Variants in ARFGEF1 observed in about 807,000 individuals in gnomAD.
ARFGEF1 encodes brefeldin A-inhibited guanine nucleotide-exchange protein 1.
ARFGEF1 carries 42 observed loss-of-function variants against 231.0 expected under a neutral mutation model. The ratio of observed to expected loss-of-function variants is 0.18; its 90% CI spans 0.14 to 0.24. ARFGEF1 has a LOEUF of 0.24. Among genes scored for constraint, ARFGEF1 ranks in the 10% least tolerant of loss-of-function variants. The pLI is 1.00. For synonymous variants in ARFGEF1, 710 were observed against 732.3 expected (o/e 0.97, Z 0.49); for missense variants, 1,345 against 2,192.0 (o/e 0.61, Z 7.72).
intron 22 of ARFGEF1, among the ~76,000 whole-genome samples, chr8:67,235,100 GTATA>G (rs144584152): frequency 0.081 from 11,896 of 146,894 alleles, 922 homozygotes; most frequent in African/African-American, 0.21. Context: ...GTGTGTGTGT[GTATA>G]TATATACACA....
chr8:67,275,421 C>A (rs1471555660), intron 9 of ARFGEF1, among the ~76,000 whole-genome samples: 1 of 152,036 alleles, frequency 6.6e-6, no homozygotes, highest in Middle Eastern at 3.2e-3. Context: ...CAAAGTTCTT[C>A]CTGATCCCAA....
chr8:67,190,783 C>T, intron 5 of ARFGEF1: 1 of 1,512,856 alleles, frequency 6.6e-7, no homozygotes, highest in Non-Finnish European at 9.2e-7. Flanking sequence ...TTTTCTCCCC[C>T]TTTTCAACTT....
chr8:67,258,712 T>C (rs1840544090), intron 15 of ARFGEF1, among the ~76,000 whole-genome samples: 1 of 152,152 alleles, frequency 6.6e-6, no homozygotes, highest in South Asian at 2.1e-4. Flanking sequence ...CTTTTGATTA[T>C]AGAGTTAACA....
intron 14 of ARFGEF1, among the ~76,000 whole-genome samples, chr8:67,263,603 C>T (rs1226972651): frequency 6.6e-6 from 1 of 152,176 alleles, no homozygotes; most frequent in East Asian, 1.9e-4. Context: ...TCCTCTGCTG[C>T]TGCACATGCC....
Position 67,302,037 on chromosome 8 carries a change from T to A in ARFGEF1, c.155+399A>T, listed in dbSNP as rs934260457. On this transcript the variant is annotated intron_variant, in intron 2 of 38. Coordinates refer to ENST00000262215, the MANE Select transcript of ARFGEF1 (RefSeq NM_006421.5). ...GCCTGGGAAATATGGCAGAATCCCA[T>A]CTCTACAAAAAATTAGACAGGCATG... 7.2e-5 allele frequency among the ~76,000 whole-genome samples: 11 copies of A among 151,868 alleles called. No homozygotes were observed. In the South Asian group the frequency reaches 2.3e-3, roughly 32 times the overall value.
At chr8:67,276,235 C>T in intron 8 of ARFGEF1, 126 bp from the exon 9 acceptor site, 2 of 1,000,286 alleles carry the variant, frequency 2.0e-6, no homozygotes, top group South Asian at 1.6e-5. Context: ...GAAGGGGAAC[C>T]AGATGAGGGA....
intron 29 of ARFGEF1, among the ~76,000 whole-genome samples, 179 bp from the exon 30 acceptor site, chr8:67,219,739 C>T (rs759662968): frequency 2.6e-5 from 4 of 151,908 alleles, no homozygotes; most frequent in Non-Finnish European, 4.4e-5. Context: ...CTTTAGGATA[C>T]ATCATTCGGG....
At chr8:67,337,643 C>T (rs1193356133) in intron 1 of ARFGEF1, among the ~76,000 whole-genome samples, 1 of 152,072 alleles carries the variant, frequency 6.6e-6, no homozygotes, top group Non-Finnish European at 1.5e-5. Flanking sequence ...ATCCATCTTG[C>T]TATTTCCTGT....
chr8:67,262,985 C>G (rs536300706), intron 14 of ARFGEF1, among the ~76,000 whole-genome samples: 2 of 152,190 alleles, frequency 1.3e-5, no homozygotes, highest in South Asian at 2.1e-4. Context: ...TAAGGTACTC[C>G]GAATATACAT....
chr8:67,331,820 C>T (rs1808113390), intron 1 of ARFGEF1, among the ~76,000 whole-genome samples: 1 of 152,074 alleles, frequency 6.6e-6, no homozygotes, highest in African/African-American at 2.4e-5. Flanking sequence ...CTGTCTTGTC[C>T]TCCTCAGTGC....
intron 5 of ARFGEF1, among the ~76,000 whole-genome samples, chr8:67,177,900 CATATT>C (rs1832081324): frequency 6.6e-6 from 1 of 152,062 alleles, no homozygotes; most frequent in Non-Finnish European, 1.5e-5. Context: ...ATATAGAAAA[CATATT>C]GTAATGGCTA....
downstream of ARFGEF1, among the ~76,000 whole-genome samples, chr8:67,193,951 T>C (rs1259985840): frequency 6.6e-6 from 1 of 152,246 alleles, no homozygotes; most frequent in Non-Finnish European, 1.5e-5. Context: ...CCTAAAGACT[T>C]TGAGTTCTTT....
At chr8:67,289,315 G>T (rs1563892036) in intron 6 of ARFGEF1, among the ~76,000 whole-genome samples, 1 of 151,986 alleles carries the variant, frequency 6.6e-6, no homozygotes, top group East Asian at 1.9e-4. Flanking sequence ...AGCACTTTGG[G>T]AAGCTGGGTG....
intron 5 of ARFGEF1, chr8:67,190,793 T>TA: frequency 6.8e-7 from 1 of 1,469,626 alleles, no homozygotes; most frequent in Non-Finnish European, 9.5e-7. Flanking sequence ...CTTTTCAACT[T>TA]AGAAGAATGA....
In ARFGEF1 at chr8:67,257,738, A is replaced by G; in HGVS notation, c.2520T>C (p.Ser840=). The change falls in exon 17 of 39, where the codon AGT becomes AGC. Residue 840 remains serine (S), a synonymous_variant. Coordinates refer to ENST00000262215, the MANE Select transcript of ARFGEF1 (RefSeq NM_006421.5). ...GACTTAAAAGAAAACATACCTGTGG[A>G]CTGTGAAGGTCTGTGGTCAACATGA... is the stretch of plus-strand genomic sequence containing the variant. The part of the protein sequence containing the change: ...SIIMLTTDLH[S]PQVKNKMTKE... 6.2e-7 allele frequency: 1 copy of G among 1,601,584 alleles called. No individual in the cohort carries two copies. Among genetic ancestry groups the G allele is most frequent in the African/African-American group, 1.3e-5 (1 of 74,614 alleles).
At chr8:67,244,256 A>G (rs1173750379) in intron 19 of ARFGEF1, among the ~76,000 whole-genome samples, 1 of 29,464 alleles carries the variant, frequency 3.4e-5, no homozygotes, top group Admixed American at 4.1e-4. Context: ...AAAAAAAAAA[A>G]AAAAAAAAAA....
At chr8:67,296,038 C>A (rs1056571884) in intron 5 of ARFGEF1, among the ~76,000 whole-genome samples, 2 of 152,080 alleles carry the variant, frequency 1.3e-5, no homozygotes, top group African/African-American at 2.4e-5. Context: ...GGGGAAAAAA[C>A]GTATTTCATC....
chr8:67,273,419 C>CAAAAAAAAAAAA (rs58580002), intron 9 of ARFGEF1, among the ~76,000 whole-genome samples: 4 of 56,614 alleles, frequency 7.1e-5, no homozygotes, highest in African/African-American at 2.7e-4. Context: ...TTTTTTTTCC[C>CAAAAAAAAAAAA]AAAAAAAAAA....
At chr8:67,303,693 G>A (rs1806605368) in intron 1 of ARFGEF1, among the ~76,000 whole-genome samples, 1 of 150,600 alleles carries the variant, frequency 6.6e-6, no homozygotes. Flanking sequence ...CAGCCTCAGC[G>A]ACAGAGTGAG....
Sources: gnomAD v4.1 joint callset for allele counts (sites outside exome capture counted in the v4.1 genomes callset) on GRCh38, gnomAD v4.1.1 for gene constraint, MANE v1.5 for transcripts, NCBI Gene and HGNC (gene_info 2026-07-23, HGNC 2026-07-21) for gene names.